Variants in IGFBP7 observed in about 807,000 individuals in gnomAD.
The protein encoded by IGFBP7 is insulin like growth factor binding protein 7, also known as insulin-like growth factor-binding protein 7.
Under a neutral mutation model 29.4 loss-of-function variants are expected in IGFBP7, and 31 were observed. The ratio of observed to expected loss-of-function variants is 1.05; its 90% CI spans 0.79 to 1.42. IGFBP7 has a LOEUF of 1.42. Ranked by LOEUF, IGFBP7 falls within the 40% of genes most tolerant of loss-of-function variation. IGFBP7 has a pLI of 0.00. For missense variants in IGFBP7, 393 were observed against 395.5 expected, an observed-to-expected ratio of 0.99 and a Z score of 0.05; for synonymous variants, 172 against 174.9, an observed-to-expected ratio of 0.98 and a Z score of 0.13.
chr4:57,078,008 G>A (rs918602852), intron 1 of IGFBP7, among the ~76,000 whole-genome samples: 8 of 152,050 alleles, frequency 5.3e-5, no homozygotes, highest in African/African-American at 1.9e-4. Context: ...TGTTTCCTTG[G>A]TTAAGGGGGA....
intron 1 of IGFBP7, among the ~76,000 whole-genome samples, chr4:57,087,649 T>A (rs1338075265): frequency 6.6e-6 from 1 of 152,240 alleles, no homozygotes; most frequent in Non-Finnish European, 1.5e-5. Context: ...ATTTGAGAGT[T>A]GTTACTACAA....
intron 1 of IGFBP7, among the ~76,000 whole-genome samples, chr4:57,044,355 T>A (rs1724308337): frequency 6.6e-6 from 1 of 152,228 alleles, no homozygotes; most frequent in African/African-American, 2.4e-5. Context: ...GTTCTTAGTT[T>A]TAGTATAGTC....
In IGFBP7 at chr4:57,032,531, CTTCCTTACTT is replaced by C; in HGVS notation, c.714_723del (p.Ser239MetfsTer33). The C allele has an allele frequency of 1.2e-6, 2 of 1,613,868 alleles. No individual in the cohort carries two copies. The highest frequency in any genetic ancestry group is 2.7e-5 in the African/African-American group (2 of 75,046). On this transcript the variant is annotated frameshift_variant, in exon 4 of 5. Coordinates refer to ENST00000295666, the MANE Select transcript of IGFBP7 (RefSeq NM_001553.3). LOFTEE classifies it high-confidence loss of function. ...GCATGGCACTCATATTCTCCAGCAT[CTTCCTTACTT>C]AGAGGAGATACCTGTGAAAGAAAAA...
At chr4:57,031,485 T>G in intron 4 of IGFBP7, 149 bp from the exon 5 acceptor site, 1 of 655,930 alleles carries the variant, frequency 1.5e-6, no homozygotes, top group East Asian at 2.7e-5. Context: ...AATGATATGC[T>G]GGAGTGCTCT....
chr4:57,077,897 C>T (rs774200459), intron 1 of IGFBP7, among the ~76,000 whole-genome samples: 19 of 152,110 alleles, frequency 1.2e-4, no homozygotes, highest in Admixed American at 3.9e-4. Context: ...GTGATGCAGG[C>T]GCAGGGCTTC....
intron 1 of IGFBP7, among the ~76,000 whole-genome samples, chr4:57,060,087 C>CA (rs1211361850): frequency 6.6e-6 from 1 of 152,148 alleles, no homozygotes; most frequent in African/African-American, 2.4e-5. Flanking sequence ...TAGGGATTTA[C>CA]AATCAGGAAG....
chr4:57,047,083 T>A (rs1453576807), intron 1 of IGFBP7, among the ~76,000 whole-genome samples: 2 of 152,188 alleles, frequency 1.3e-5, no homozygotes, highest in African/African-American at 4.8e-5. Flanking sequence ...GAGAGGATGA[T>A]ATGGTTTGAC....
intron 1 of IGFBP7, among the ~76,000 whole-genome samples, chr4:57,105,537 A>T (rs1726002429): frequency 6.6e-6 from 1 of 152,214 alleles, no homozygotes. Context: ...CTTTCTATGG[A>T]TAATATTCAT....
chr4:57,095,084 GT>G (rs1725729231), intron 1 of IGFBP7, among the ~76,000 whole-genome samples: 1 of 152,172 alleles, frequency 6.6e-6, no homozygotes, highest in South Asian at 2.1e-4. Context: ...CTGAAGTGCT[GT>G]CTAGTCATTC....
Position 57,110,186 on chromosome 4 carries a change from C to G in IGFBP7, c.166G>C (p.Ala56Pro). 1.4e-6 allele frequency: 2 copies of G among 1,389,460 alleles called. No homozygotes were observed. The highest frequency in any genetic ancestry group is 1.8e-6 in the Non-Finnish European group (2 of 1,081,200). The allele number at this position is 1,389,460 out of a possible 1,614,324, so 86.1% of individuals were successfully genotyped here. The change falls in exon 1 of 5, where the codon GCG becomes CCG. Residue 56 changes from alanine to proline, a missense_variant. Physicochemically the swap from Ala to Pro is conservative, Grantham distance 27 (BLOSUM62 -1). Coordinates refer to ENST00000295666, the MANE Select transcript of IGFBP7 (RefSeq NM_001553.3). Reference protein sequence around the residue: ...LGCLLGETRDACGCCPMCARG... With the variant: ...LGCLLGETRDPCGCCPMCARG... ...GCGCACATAGGGCAGCAGCCGCACG[C>G]GTCGCGGGTCTCGCCCAGCAGGCAG...
chr4:57,049,479 C>A (rs895514225), intron 1 of IGFBP7, among the ~76,000 whole-genome samples: 1 of 152,174 alleles, frequency 6.6e-6, no homozygotes, highest in Non-Finnish European at 1.5e-5. Context: ...ATTACCCCTT[C>A]CAGCACCTTT....
intron 1 of IGFBP7, among the ~76,000 whole-genome samples, chr4:57,050,284 G>A (rs1353524040): frequency 2.1e-5 from 3 of 142,414 alleles, no homozygotes; most frequent in Non-Finnish European, 4.5e-5. Context: ...TCGCTCTTTC[G>A]CTCAGGCAGG....
intron 4 of IGFBP7, 39 bp downstream of exon 4, chr4:57,032,387 A>G: frequency 3.1e-6 from 5 of 1,610,270 alleles, no homozygotes; most frequent in Middle Eastern, 3.3e-4. Context: ...AAGCAAATGT[A>G]CTAGTCATTT....
chr4:57,049,036 G>C (rs899417987), intron 1 of IGFBP7, among the ~76,000 whole-genome samples: 6 of 152,156 alleles, frequency 3.9e-5, no homozygotes, highest in African/African-American at 1.4e-4. Flanking sequence ...AAGTCTCACT[G>C]TCTGGGTCTG....
chr4:57,091,183 C>T (rs1016800806), intron 1 of IGFBP7, among the ~76,000 whole-genome samples: 2 of 152,184 alleles, frequency 1.3e-5, no homozygotes, highest in Non-Finnish European at 2.9e-5. Context: ...CAGGCAAAAG[C>T]ATATGCACTT....
chr4:57,090,078 T>C (rs1382765982), intron 1 of IGFBP7, among the ~76,000 whole-genome samples: 2 of 152,222 alleles, frequency 1.3e-5, no homozygotes, highest in Non-Finnish European at 2.9e-5. Context: ...AAACCCCATT[T>C]TGGCCAAGCC....
At chr4:57,032,264 G>C (rs1467334511) in intron 4 of IGFBP7, 162 bp downstream of exon 4, 18 of 1,417,390 alleles carry the variant, frequency 1.3e-5, no homozygotes, top group Non-Finnish European at 1.7e-5. Flanking sequence ...TAATCTTTTG[G>C]AGTCTCATGC....
In IGFBP7 at chr4:57,030,807, C is replaced by T. The variant is rs777638353; in HGVS notation, c.*510G>A. 4.7e-5 allele frequency: 35 copies of T among 744,170 alleles called. No homozygotes were observed. Among genetic ancestry groups the T allele is most frequent in the Non-Finnish European group, 7.8e-5 (32 of 408,736 alleles). The allele number at this position is 744,170 out of a possible 1,614,324, so 46.1% of individuals were successfully genotyped here. Reference sequence around the variant, plus strand: ...TCAGCTCCACTCATTTATTCATTATCTACAGTACCAGATCTTTGTCTTTTT... The same window carrying T: ...TCAGCTCCACTCATTTATTCATTATTTACAGTACCAGATCTTTGTCTTTTT... On this transcript the variant is annotated 3_prime_UTR_variant, in exon 5 of 5. Coordinates refer to ENST00000295666, the MANE Select transcript of IGFBP7 (RefSeq NM_001553.3).
intron 1 of IGFBP7, among the ~76,000 whole-genome samples, chr4:57,099,921 G>C (rs1725853180): frequency 6.6e-6 from 1 of 152,048 alleles, no homozygotes; most frequent in Non-Finnish European, 1.5e-5. Flanking sequence ...TTTTGGTAGA[G>C]ATAGGGTCTC....
Sources: allele counts gnomAD v4.1 joint callset (sites outside exome capture counted in the v4.1 genomes callset), GRCh38; gene constraint gnomAD v4.1.1; transcripts MANE v1.5; gene names NCBI Gene and HGNC (gene_info 2026-07-23, HGNC 2026-07-21).